The following KPNA4 variants were observed in gnomAD, a reference collection of about 807,000 sequenced individuals.
The protein encoded by KPNA4 is importin subunit alpha-3.
A neutral mutation model predicts 71.3 loss-of-function variants in KPNA4; 13 were observed. The ratio of observed to expected loss-of-function variants is 0.18; its 90% CI spans 0.12 to 0.29. The LOEUF (loss-of-function observed/expected upper bound fraction) is 0.29, where lower values mean the gene tolerates loss of function less well. Among genes scored for constraint, KPNA4 ranks in the 10% least tolerant of loss-of-function variants. The pLI, the probability that KPNA4 is intolerant of heterozygous loss-of-function variation, is 1.00. For missense variants in KPNA4, 334 were observed against 603.2 expected (o/e 0.55, Z 4.67); for synonymous variants, 189 against 195.2 (o/e 0.97, Z 0.26).
intron 1 of KPNA4, among the ~76,000 whole-genome samples, chr3:160,548,703 A>C (rs907774020): frequency 2.0e-5 from 3 of 152,208 alleles, no homozygotes; most frequent in African/African-American, 7.2e-5. Context: ...TATACATTAA[A>C]TAACCTTTTG....
At chr3:160,523,213 G>A (rs899953557) in intron 10 of KPNA4, among the ~76,000 whole-genome samples, 2 of 152,218 alleles carry the variant, frequency 1.3e-5, no homozygotes, top group African/African-American at 4.8e-5. Context: ...GCTCACGCCT[G>A]TAACCCCAGC....
intron 13 of KPNA4, among the ~76,000 whole-genome samples, chr3:160,511,797 A>G (rs1464277618): frequency 1.3e-5 from 2 of 151,210 alleles, no homozygotes; most frequent in Non-Finnish European, 2.9e-5. Flanking sequence ...TAGGATATAT[A>G]TCATCAATGA....
intron 7 of KPNA4, among the ~76,000 whole-genome samples, chr3:160,529,178 C>A (rs1721520272): frequency 6.6e-6 from 1 of 152,176 alleles, no homozygotes; most frequent in African/African-American, 2.4e-5. Flanking sequence ...CAGTAATCTG[C>A]CTGCCTCAGC....
chr3:160,534,941 C>T (rs1229225128), intron 5 of KPNA4, among the ~76,000 whole-genome samples: 2 of 151,846 alleles, frequency 1.3e-5, no homozygotes, highest in East Asian at 4.0e-4. Context: ...CCAGGCTGGT[C>T]TCAAACTTCT....
chr3:160,509,923 GAA>G, intron 13 of KPNA4, 52 bp from the exon 14 acceptor site: 1 of 1,131,250 alleles, frequency 8.8e-7, no homozygotes, highest in Non-Finnish European at 1.3e-6. Context: ...GAGTAAACTG[GAA>G]AAAATGTTTG....
chr3:160,562,598 T>TA (rs1280280781), intron 1 of KPNA4, among the ~76,000 whole-genome samples: 1 of 152,188 alleles, frequency 6.6e-6, no homozygotes, highest in African/African-American at 2.4e-5. Context: ...TCTCTAAATA[T>TA]AAAAAAGAAT....
chr3:160,563,009 T>C (rs1722276095), intron 1 of KPNA4, among the ~76,000 whole-genome samples: 1 of 152,216 alleles, frequency 6.6e-6, no homozygotes, highest in Non-Finnish European at 1.5e-5. Flanking sequence ...CCATATGATC[T>C]AGCAATTCTA....
chr3:160,555,493 C>T (rs1184940298), intron 1 of KPNA4, among the ~76,000 whole-genome samples: 1 of 152,008 alleles, frequency 6.6e-6, no homozygotes, highest in Admixed American at 6.5e-5. Context: ...TTTTCTATGC[C>T]TACATATCTA....
At chr3:160,562,685 A>G (rs1577065961) in intron 1 of KPNA4, among the ~76,000 whole-genome samples, 1 of 152,248 alleles carries the variant, frequency 6.6e-6, no homozygotes, top group Non-Finnish European at 1.5e-5. Flanking sequence ...TATTAGAATC[A>G]TATGTTATTT....
chr3:160,525,891 T>A (rs367564384), intron 9 of KPNA4, 47 bp from the exon 10 acceptor site: 452 of 1,513,754 alleles, frequency 3.0e-4, no homozygotes, highest in Non-Finnish European at 3.3e-4. Flanking sequence ...AAATAAAAAA[T>A]ATATATATAA....
At position 160,535,695 on chromosome 3, in the gene KPNA4, G is replaced by GA. The variant is rs760674338; in HGVS notation, c.205-6dup. The GA allele has an allele frequency of 1.9e-6, 3 of 1,570,128 alleles. No individual in the cohort carries two copies. Among genetic ancestry groups the GA allele is most frequent in the Admixed American group, 2.2e-5 (1 of 45,698 alleles). ...AGCTTCTAGAGAGGTATTTTGCTGGGAAAAAAGTTAAAGAGAAAACTCAGT... is the reference window on the plus strand; with the variant it reads ...AGCTTCTAGAGAGGTATTTTGCTGGGAAAAAAAGTTAAAGAGAAAACTCAGT... On this transcript the variant is annotated splice_polypyrimidine_tract_variant and splice_region_variant and intron_variant, in intron 3 of 16. Coordinates refer to ENST00000334256, the MANE Select transcript of KPNA4 (RefSeq NM_002268.5).
intron 1 of KPNA4, among the ~76,000 whole-genome samples, chr3:160,559,601 T>G (rs1722204406): frequency 6.6e-6 from 1 of 152,170 alleles, no homozygotes; most frequent in Non-Finnish European, 1.5e-5. Context: ...TGGCTTCAGA[T>G]TCTACATTGC....
At chr3:160,535,957 C>A (rs1204373365) in intron 2 of KPNA4, 60 bp from the exon 3 acceptor site, 2 of 1,118,102 alleles carry the variant, frequency 1.8e-6, no homozygotes, top group African/African-American at 3.7e-5. Flanking sequence ...AAAAGAAAAC[C>A]TGAATACTTT....
chr3:160,517,509 C>A (rs1291508230), intron 11 of KPNA4, among the ~76,000 whole-genome samples: 2 of 151,964 alleles, frequency 1.3e-5, no homozygotes, highest in Non-Finnish European at 2.9e-5. Context: ...CATATTGTAA[C>A]CTTATGTTTA....
In KPNA4 at chr3:160,534,718, G is replaced by GAAAAAAAAA. The variant is rs544384718; in HGVS notation, c.287+786_287+794dup. Among the ~76,000 whole-genome samples the GAAAAAAAAA allele has an allele frequency of 3.2e-3, 230 of 72,850 alleles. 12 individuals are homozygous for GAAAAAAAAA. Among genetic ancestry groups the GAAAAAAAAA allele is most frequent in the African/African-American group, 6.0e-3 (112 of 18,740 alleles). 47.8% of individuals were successfully genotyped at this position (72,850 alleles called of 152,430 possible). The stretch of plus-strand genomic sequence containing the variant: ...GGCGACAGAGTGAGACTCCATCTCA[G>GAAAAAAAAA]AAAAAAAAAAAAAAAAAGAAATGTT... On this transcript the variant is annotated intron_variant, in intron 5 of 16. Transcript: ENST00000334256.
Position 160,515,536 on chromosome 3 carries a change from A to C in KPNA4, c.948T>G (p.Asp316Glu). 6.2e-7 allele frequency: 1 copy of C among 1,613,944 alleles called. No homozygotes were observed. Among genetic ancestry groups the C allele is most frequent in the Non-Finnish European group, 8.5e-7 (1 of 1,179,822 alleles). The stretch of plus-strand genomic sequence containing the variant: ...AGTTCAAAACTACTTGTGTTTGCTC[A>C]TCAGTTCCAGTAACAATGTTGCCCA... ...RAVGNIVTGT[D>E]EQTQVVLNCD... The change falls in exon 12 of 17, where the codon GAT (aspartate) becomes GAG (glutamate). Residue 316 changes from aspartate (D) to glutamate (E), a missense_variant. Physicochemically the swap from Asp to Glu is conservative, Grantham distance 45. Coordinates refer to ENST00000334256, the MANE Select transcript of KPNA4 (RefSeq NM_002268.5).
Position 160,565,107 on chromosome 3 carries a change from C to G in KPNA4, c.69+107G>C, listed in dbSNP as rs1722318905. On this transcript the variant is annotated intron_variant, in intron 1 of 16. Transcript: ENST00000334256. ...CGGGCCGGCCCCTAGCGCCATTCCC[C>G]GAGGCCTGGAGGCGGCTCCCGCCCC... 1.1e-5 allele frequency: 10 copies of G among 917,764 alleles called. No homozygotes were observed. In the East Asian group the frequency reaches 2.1e-4, roughly 20 times the overall value. 56.9% of individuals were successfully genotyped at this position (917,764 alleles called of 1,614,324 possible).
chr3:160,562,321 T>G (rs940376994), intron 1 of KPNA4, among the ~76,000 whole-genome samples: 4 of 152,220 alleles, frequency 2.6e-5, no homozygotes, highest in Non-Finnish European at 5.9e-5. Context: ...TTGGATATAC[T>G]GGATTAAGTT....
chr3:160,535,916 A>AC lies in KPNA4; in HGVS notation c.115-20_115-19insG, dbSNP rs771220451. On this transcript the variant is annotated intron_variant, in intron 2 of 16. Transcript: ENST00000334256. ...TTTTATTCTTAAAAAAAAAAAAAAAAAAAAAAAAACCAAACAGAGAATTTG... is the reference window on the plus strand; with the variant it reads ...TTTTATTCTTAAAAAAAAAAAAAAAACAAAAAAAAACCAAACAGAGAATTTG... The AC allele has an allele frequency of 6.9e-5, 77 of 1,108,144 alleles. No homozygotes were observed. Among genetic ancestry groups the AC allele is most frequent in the South Asian group, 5.6e-4 (15 of 26,774 alleles). The allele number at this position is 1,108,144 out of a possible 1,614,324, so 68.6% of individuals were successfully genotyped here. A position where few individuals can be genotyped will look rare whatever the true frequency, so the allele number is the denominator to read the frequency against.
Sources: gnomAD v4.1 joint callset for allele counts (sites outside exome capture counted in the v4.1 genomes callset) on GRCh38, gnomAD v4.1.1 for gene constraint, MANE v1.5 for transcripts, NCBI Gene and HGNC (gene_info 2026-07-23, HGNC 2026-07-21) for gene names.